LRP1B: variants seen among roughly 807,000 people sequenced by gnomAD.
LRP1B encodes the protein low-density lipoprotein receptor-related protein 1B.
A neutral mutation model predicts 556.6 loss-of-function variants in LRP1B; 217 were observed. The ratio of observed to expected loss-of-function variants is 0.39; its 90% CI spans 0.35 to 0.44. The LOEUF (loss-of-function observed/expected upper bound fraction) is 0.44. LRP1B is among the 20% of genes least tolerant of loss of function. The pLI, the probability that LRP1B is intolerant of heterozygous loss-of-function variation, is 1.00. For missense variants in LRP1B, 5,053 were observed against 5,620.8 expected (o/e 0.90, Z 3.23); for synonymous variants, 2,047 against 1,865.8 (o/e 1.10, Z -2.50).
intron 3 of LRP1B, among the ~76,000 whole-genome samples, chr2:141,459,379 C>T (rs892021296): frequency 6.6e-6 from 1 of 152,126 alleles, no homozygotes; most frequent in Non-Finnish European, 1.5e-5. Flanking sequence ...CCTCACGGAT[C>T]CTGCTATGAC....
intron 2 of LRP1B, among the ~76,000 whole-genome samples, chr2:141,558,058 A>C (rs1686025133): frequency 6.6e-6 from 1 of 151,916 alleles, no homozygotes; most frequent in Non-Finnish European, 1.5e-5. Context: ...TGATAACTGC[A>C]ATCTCAGGGG....
intron 2 of LRP1B, among the ~76,000 whole-genome samples, chr2:141,601,599 TTTCCTTCCTTCCTTCCTTCC>T (rs59436887): frequency 5.7e-5 from 8 of 140,642 alleles, no homozygotes; most frequent in African/African-American, 1.1e-4. Flanking sequence ...GTAGCACTCC[TTTCCTTCCTTCCTTCCTTCC>T]TTCCTTCCTT....
intron 7 of LRP1B, among the ~76,000 whole-genome samples, chr2:141,184,812 C>T (rs1681170819): frequency 6.6e-6 from 1 of 151,726 alleles, no homozygotes. Context: ...CTATACTTTT[C>T]TCCTCCTACA....
At chr2:141,083,246 T>C (rs987436867) in intron 7 of LRP1B, among the ~76,000 whole-genome samples, 2 of 152,164 alleles carry the variant, frequency 1.3e-5, no homozygotes, top group African/African-American at 4.8e-5. Context: ...TACTGTTGTT[T>C]GAGAAGTAGT....
In LRP1B at chr2:140,506,868, A is replaced by C; in HGVS notation, c.8449T>G (p.Cys2817Gly). 6.2e-7 allele frequency: 1 copy of C among 1,614,084 alleles called. No homozygotes were observed. The highest frequency in any genetic ancestry group is 8.5e-7 in the Non-Finnish European group (1 of 1,179,972). Residue 2817 changes from cysteine to glycine, a missense_variant, in exon 53 of 91, where the codon TGC (cysteine) becomes GGC (glycine). By Grantham distance (159) the Cys-to-Gly change is radical (BLOSUM62 -3). Coordinates refer to ENST00000389484, the MANE Select transcript of LRP1B (RefSeq NM_018557.3). ...ENAFMCHNKV[C>G]IPKQFVCDHD... Reference sequence around the variant, plus strand: ...TCACAAACAAATTGCTTGGGAATGCATACTTTATTATGGCACATGAAAGCA... The same window carrying C: ...TCACAAACAAATTGCTTGGGAATGCCTACTTTATTATGGCACATGAAAGCA...
rs556751240 is a variant in LRP1B at position 141,043,285 on chromosome 2, T to A, written c.1789+5701A>T. On this transcript the variant is annotated intron_variant, in intron 11 of 90. Transcript: ENST00000389484. ...TAAAAAGAAAAAGAAAAGAAAAGAA[T>A]CACAGTTGGGAAGAACTGTACATAT... 1.2e-3 allele frequency among the ~76,000 whole-genome samples: 175 copies of A among 151,458 alleles called. 2 individuals are homozygous for A. Among genetic ancestry groups the A allele is most frequent in the Non-Finnish European group, 1.5e-3 (101 of 67,792 alleles).
chr2:141,398,408 T>C (rs1559048900), intron 3 of LRP1B, among the ~76,000 whole-genome samples: 1 of 152,096 alleles, frequency 6.6e-6, no homozygotes, highest in African/African-American at 2.4e-5. Flanking sequence ...TATATGGAAA[T>C]ATTTATCTAT....
intron 31 of LRP1B, among the ~76,000 whole-genome samples, chr2:140,833,181 A>C (rs1691776381): frequency 6.6e-6 from 1 of 152,070 alleles, no homozygotes; most frequent in African/African-American, 2.4e-5. Context: ...TAAATGGGTT[A>C]GAGAATGAAT....
At chr2:141,358,082 C>T (rs1688689388) in intron 3 of LRP1B, among the ~76,000 whole-genome samples, 2 of 152,124 alleles carry the variant, frequency 1.3e-5, no homozygotes, top group Admixed American at 6.5e-5. Context: ...GGTATCAACT[C>T]CTCTTGACAA....
In LRP1B at chr2:141,467,750, C is replaced by A. The variant is rs1320219501; in HGVS notation, c.343+12646G>T. Among the ~76,000 whole-genome samples the A allele has an allele frequency of 6.3e-5, 9 of 143,250 alleles. No individual in the cohort carries two copies. The Admixed American group carries it at 7.1e-4, about 11-fold the overall frequency. The allele number at this position is 143,250 out of a possible 152,430, so 94.0% of individuals were successfully genotyped here. A position where few individuals can be genotyped will look rare whatever the true frequency, so the allele number is the denominator to read the frequency against. ...AGAAACAAAACTGAAAGGAGCAAATCATTTTAGGTGAAATGCAGGCATAAA... is the reference window on the plus strand; with the variant it reads ...AGAAACAAAACTGAAAGGAGCAAATAATTTTAGGTGAAATGCAGGCATAAA... On this transcript the variant is annotated intron_variant, in intron 3 of 90. Coordinates refer to ENST00000389484, the MANE Select transcript of LRP1B (RefSeq NM_018557.3).
At chr2:140,546,016 G>A (rs1428555113) in intron 43 of LRP1B, among the ~76,000 whole-genome samples, 1 of 151,280 alleles carries the variant, frequency 6.6e-6, no homozygotes, top group African/African-American at 2.4e-5. Context: ...GTGTGTGTGT[G>A]TGTGTGTGTG....
At chr2:142,053,374 A>T (rs1349117219) in intron 1 of LRP1B, among the ~76,000 whole-genome samples, 2 of 152,156 alleles carry the variant, frequency 1.3e-5, no homozygotes, top group African/African-American at 4.8e-5. Flanking sequence ...GCATAGCAGA[A>T]ATTAATTCAA....
At chr2:140,512,709 T>C (rs765212305) in intron 51 of LRP1B, among the ~76,000 whole-genome samples, 2 of 152,158 alleles carry the variant, frequency 1.3e-5, no homozygotes, top group Non-Finnish European at 2.9e-5. Context: ...ACTATGTGCA[T>C]ATCAATAAAG....
chr2:140,266,070 A>G (rs1682188531), intron 86 of LRP1B, among the ~76,000 whole-genome samples: 1 of 152,006 alleles, frequency 6.6e-6, no homozygotes, highest in South Asian at 2.1e-4. Flanking sequence ...TGAATAGTGC[A>G]AAATAGTCTT....
At chr2:140,387,640 A>G (rs2105202351) in intron 66 of LRP1B, among the ~76,000 whole-genome samples, 2 of 151,696 alleles carry the variant, frequency 1.3e-5, no homozygotes, top group Middle Eastern at 3.4e-3. Flanking sequence ...GCTAATAATT[A>G]TTCAGAATGT....
At chr2:141,241,702 G>C (rs1166685092) in intron 5 of LRP1B, among the ~76,000 whole-genome samples, 1 of 151,948 alleles carries the variant, frequency 6.6e-6, no homozygotes, top group Non-Finnish European at 1.5e-5. Flanking sequence ...CTCTGCTTCA[G>C]GCATTGAGCT....
chr2:141,541,573 G>A (rs909779426), intron 2 of LRP1B, among the ~76,000 whole-genome samples: 12 of 151,896 alleles, frequency 7.9e-5, no homozygotes, highest in African/African-American at 2.9e-4. Flanking sequence ...CATACAGATT[G>A]AGCACAATCC....
intron 2 of LRP1B, among the ~76,000 whole-genome samples, chr2:141,537,331 G>A (rs1023311267): frequency 1.3e-5 from 2 of 152,010 alleles, no homozygotes; most frequent in Non-Finnish European, 2.9e-5. Flanking sequence ...ACAGCAGGGT[G>A]TGGAATCATT....
chr2:140,475,446 T>C (rs756299796), intron 59 of LRP1B, 109 bp from the exon 60 acceptor site: 4 of 749,264 alleles, frequency 5.3e-6, no homozygotes, highest in African/African-American at 1.8e-5. Context: ...CTTGCCATTT[T>C]TCTGAATTGC....
Sources: allele counts gnomAD v4.1 joint callset (sites outside exome capture counted in the v4.1 genomes callset), GRCh38; gene constraint gnomAD v4.1.1; transcripts MANE v1.5; gene names NCBI Gene and HGNC (gene_info 2026-07-23, HGNC 2026-07-21).